The following NTRK2 variants were observed in gnomAD, a reference collection of about 807,000 sequenced individuals.
NTRK2 encodes the protein BDNF/NT-3 growth factors receptor.
In NTRK2, 13 loss-of-function variants were observed where a neutral mutation model predicts 94.5. The observed-to-expected ratio is 0.14, with a 90% CI of 0.09 to 0.22. NTRK2 has a LOEUF of 0.22. Among genes scored for constraint, NTRK2 ranks in the 10% least tolerant of loss-of-function variants. NTRK2 has a pLI of 1.00. For synonymous variants in NTRK2, 372 were observed against 407.4 expected (o/e 0.91, Z 1.05); for missense variants, 639 against 1,071.2 (o/e 0.60, Z 5.63).
chr9:84,914,433 T>C (rs993427223), intron 14 of NTRK2, among the ~76,000 whole-genome samples: 22 of 152,206 alleles, frequency 1.4e-4, no homozygotes, highest in African/African-American at 4.8e-4. Context: ...GGTATTCTGT[T>C]ATGAGATTCT....
chr9:85,000,318 A>G (rs1456251013), intron 17 of NTRK2, among the ~76,000 whole-genome samples: 2 of 152,190 alleles, frequency 1.3e-5, no homozygotes, highest in Admixed American at 6.5e-5. Context: ...TGACAAACGT[A>G]TAATGACATG....
intron 14 of NTRK2, chr9:84,877,759 A>G (rs1019590353): frequency 9.5e-6 from 10 of 1,056,230 alleles, no homozygotes; most frequent in Non-Finnish European, 8.0e-6. Flanking sequence ...GCCCACGTGT[A>G]TGTATGAGTG....
intron 12 of NTRK2, among the ~76,000 whole-genome samples, chr9:84,854,071 CAAA>C (rs563556897): frequency 3.3e-5 from 2 of 61,150 alleles, no homozygotes; most frequent in Non-Finnish European, 6.7e-5. Context: ...GACTCTGTCT[CAAA>C]AAAAAAAAAA....
At chr9:84,764,373 T>A (rs1173854992) in intron 12 of NTRK2, among the ~76,000 whole-genome samples, 1 of 152,212 alleles carries the variant, frequency 6.6e-6, no homozygotes. Context: ...TCTAATCCAA[T>A]CATTTCTTCT....
chr9:84,839,953 T>C (rs189461875), intron 12 of NTRK2, among the ~76,000 whole-genome samples: 2 of 152,204 alleles, frequency 1.3e-5, no homozygotes, highest in Non-Finnish European at 2.9e-5. Context: ...AGAAATACGA[T>C]GTTAGTAAGT....
intron 17 of NTRK2, among the ~76,000 whole-genome samples, chr9:85,010,453 G>C (rs930251365): frequency 6.6e-6 from 1 of 152,170 alleles, no homozygotes; most frequent in South Asian, 2.1e-4. Context: ...GCCATGAAAA[G>C]CTCGGTAACA....
chr9:85,022,355 C>T lies in NTRK2; in HGVS notation c.*918C>T, dbSNP rs994618015. The T allele has an allele frequency of 4.3e-6, 1 of 233,018 alleles. No homozygotes were observed. Among genetic ancestry groups the T allele is most frequent in the African/African-American group, 2.2e-5 (1 of 45,316 alleles). The allele number at this position is 233,018 out of a possible 1,614,324, so 14.4% of individuals were successfully genotyped here. ...GACACAAGATGGCGCATAGTGTGCTCGGACACAGTTTTGTCTTCGTAGGTT... is the reference window on the plus strand; with the variant it reads ...GACACAAGATGGCGCATAGTGTGCTTGGACACAGTTTTGTCTTCGTAGGTT... On this transcript the variant is annotated 3_prime_UTR_variant, in exon 19 of 19. Transcript: ENST00000277120.
chr9:84,834,318 A>G (rs1258909883), intron 12 of NTRK2, among the ~76,000 whole-genome samples: 1 of 152,174 alleles, frequency 6.6e-6, no homozygotes, highest in Non-Finnish European at 1.5e-5. Flanking sequence ...ATTTAATCCT[A>G]CCTATAAAGG....
intron 17 of NTRK2, among the ~76,000 whole-genome samples, chr9:85,017,149 ATTC>A (rs1167144453): frequency 1.3e-5 from 2 of 152,196 alleles, no homozygotes; most frequent in Non-Finnish European, 2.9e-5. Flanking sequence ...ACATATGATG[ATTC>A]TTCTTAATGT....
At chr9:84,816,086 T>G (rs2133634780) in intron 12 of NTRK2, among the ~76,000 whole-genome samples, 1 of 152,128 alleles carries the variant, frequency 6.6e-6, no homozygotes, top group Admixed American at 6.5e-5. Flanking sequence ...ATGACCCAGG[T>G]CACAATAAGA....
At chr9:84,731,385 A>G (rs2062880593) in intron 9 of NTRK2, among the ~76,000 whole-genome samples, 2 of 152,272 alleles carry the variant, frequency 1.3e-5, no homozygotes, top group South Asian at 4.2e-4. Context: ...GCAGTGAGCC[A>G]TGATCGTGCT....
chr9:85,017,480 G>C (rs931287615), intron 17 of NTRK2, among the ~76,000 whole-genome samples: 2 of 152,178 alleles, frequency 1.3e-5, no homozygotes, highest in Non-Finnish European at 2.9e-5. Context: ...CTGAGATCTT[G>C]CTAGATTAAC....
At chr9:84,818,327 A>G (rs1165172997) in intron 12 of NTRK2, among the ~76,000 whole-genome samples, 1 of 152,170 alleles carries the variant, frequency 6.6e-6, no homozygotes, top group Non-Finnish European at 1.5e-5. Context: ...CACAATTTGA[A>G]AGACGGTGGT....
At position 85,022,059 on chromosome 9, in the gene NTRK2, C is replaced by T; in HGVS notation, c.*622C>T. 4.3e-6 allele frequency: 1 copy of T among 234,052 alleles called. No individual in the cohort carries two copies. The highest frequency in any genetic ancestry group is 1.3e-3 in the Middle Eastern group (1 of 786). 14.5% of individuals were successfully genotyped at this position (234,052 alleles called of 1,614,324 possible). The stretch of plus-strand genomic sequence containing the variant: ...GAAAACTTGTGTTCAATCTGTGAAG[C>T]CTTTATCTATGGGAGATTAAAACCA... On this transcript the variant is annotated 3_prime_UTR_variant, in exon 19 of 19. Coordinates refer to ENST00000277120, the MANE Select transcript of NTRK2 (RefSeq NM_006180.6).
intron 14 of NTRK2, among the ~76,000 whole-genome samples, chr9:84,906,050 C>G (rs146486879): frequency 2.5e-3 from 385 of 152,198 alleles, no homozygotes; most frequent in African/African-American, 8.9e-3. Flanking sequence ...AGAGACATCC[C>G]AAAGGAAGCT....
chr9:84,706,361 A>C (rs2061061191), intron 4 of NTRK2, among the ~76,000 whole-genome samples: 1 of 151,972 alleles, frequency 6.6e-6, no homozygotes, highest in Non-Finnish European at 1.5e-5. Flanking sequence ...GACTAGCCTT[A>C]GTTCATGCTT....
At chr9:84,694,558 T>A (rs2060246130) in intron 2 of NTRK2, among the ~76,000 whole-genome samples, 1 of 152,212 alleles carries the variant, frequency 6.6e-6, no homozygotes, top group Non-Finnish European at 1.5e-5. Context: ...CACCTGCACC[T>A]GCTCAGGGAC....
intron 12 of NTRK2, among the ~76,000 whole-genome samples, chr9:84,833,632 C>CAGGA (rs1258770722): frequency 2.7e-5 from 4 of 149,140 alleles, no homozygotes; most frequent in Non-Finnish European, 5.9e-5. Flanking sequence ...GAAAGAAAGG[C>CAGGA]AGGAAGGAAG....
intron 16 of NTRK2, 62 bp downstream of exon 16, chr9:84,948,696 G>A: frequency 6.6e-7 from 1 of 1,522,566 alleles, no homozygotes; most frequent in Non-Finnish European, 9.1e-7. Flanking sequence ...CAGGAGTGGA[G>A]GGTTCATGGG....
Sources: allele counts gnomAD v4.1 joint callset (sites outside exome capture counted in the v4.1 genomes callset), GRCh38; gene constraint gnomAD v4.1.1; transcripts MANE v1.5; gene names NCBI Gene and HGNC (gene_info 2026-07-23, HGNC 2026-07-21).